Variants in DHX30 observed in about 807,000 individuals in gnomAD.
DHX30 encodes ATP-dependent RNA helicase DHX30.
Under a neutral mutation model 116.9 loss-of-function variants are expected in DHX30, and 4 were observed. That is an observed-to-expected ratio of 0.03 (90% CI 0.02 to 0.08). The LOEUF (loss-of-function observed/expected upper bound fraction) is 0.08. Among genes scored for constraint, DHX30 ranks in the 10% least tolerant of loss-of-function variants. The pLI, the probability that DHX30 is intolerant of heterozygous loss-of-function variation, is 1.00. For missense variants in DHX30, 871 were observed against 1,595.1 expected (o/e 0.55, Z 7.73); for synonymous variants, 697 against 651.7 (o/e 1.07, Z -1.06).
intron 4 of DHX30, among the ~76,000 whole-genome samples, chr3:47,820,279 A>G (rs564447420): frequency 5.9e-5 from 9 of 151,962 alleles, no homozygotes; most frequent in East Asian, 5.8e-4. Flanking sequence ...GCACCACTAC[A>G]CTATAGCCTG....
rs151032711 is a variant in DHX30, at chr3:47,813,314, T to C, written c.28+2603T>C. On this transcript the variant is annotated intron_variant, in intron 3 of 21. Coordinates refer to ENST00000445061, the MANE Select transcript of DHX30 (RefSeq NM_138615.3). ...GCCGAGATCGCGCCACTGTCTGGCCTGGGCGAAACAGCGAGACTCCATCTC... is the reference window on the plus strand; with the variant it reads ...GCCGAGATCGCGCCACTGTCTGGCCCGGGCGAAACAGCGAGACTCCATCTC... 3.9e-3 allele frequency among the ~76,000 whole-genome samples: 597 copies of C among 152,256 alleles called. 5 individuals carry two copies. The highest frequency in any genetic ancestry group is 0.014 in the African/African-American group (564 of 41,560).
rs374425976 is a variant in DHX30 at position 47,846,201 on chromosome 3, C to T, written c.1129C>T (p.Arg377Trp). 34 of 1,613,808 alleles carry T rather than the reference C, an allele frequency of 2.1e-5. No homozygotes were observed. The highest frequency in any genetic ancestry group is 2.7e-5 in the Non-Finnish European group (32 of 1,180,020). ...VESSWIAPEL[R>W]LQSDDILPLG... ...GAGTTCATGGATCGCCCCAGAACTC[C>T]GGCTGCAGAGTGATGACATCTTGCC... The change falls in exon 11 of 22, where the codon CGG becomes TGG. Residue 377 changes from arginine (R) to tryptophan (W), a missense_variant. Coordinates refer to ENST00000445061, the MANE Select transcript of DHX30 (RefSeq NM_138615.3).
intron 8 of DHX30, chr3:47,842,826 G>T: frequency 6.0e-6 from 2 of 333,704 alleles, no homozygotes; most frequent in African/African-American, 2.1e-5. Flanking sequence ...CGATGTTGCC[G>T]AGATGACAGT....
At chr3:47,837,198 G>T (rs1442945468) in intron 6 of DHX30, among the ~76,000 whole-genome samples, 2 of 152,206 alleles carry the variant, frequency 1.3e-5, no homozygotes, top group Non-Finnish European at 2.9e-5. Flanking sequence ...GTGAATATGC[G>T]TGGCTATGGG....
intron 6 of DHX30, among the ~76,000 whole-genome samples, chr3:47,839,954 T>C (rs1381787391): frequency 6.6e-6 from 1 of 152,032 alleles, no homozygotes; most frequent in Admixed American, 6.6e-5. Context: ...GGATTACAGG[T>C]GTGAGCCACT....
intron 2 of DHX30, among the ~76,000 whole-genome samples, chr3:47,806,693 C>CT (rs1432975546): frequency 1.3e-5 from 2 of 151,918 alleles, no homozygotes. Context: ...GATCCACCTG[C>CT]TTCGGCCTCC....
At chr3:47,845,045 T>C (rs749643676) in intron 9 of DHX30, among the ~76,000 whole-genome samples, 5 of 152,026 alleles carry the variant, frequency 3.3e-5, no homozygotes, top group Non-Finnish European at 7.4e-5. Context: ...AGGGTACATG[T>C]TGGGAATTCA....
At chr3:47,812,947 G>A (rs573519749) in intron 3 of DHX30, among the ~76,000 whole-genome samples, 2 of 151,918 alleles carry the variant, frequency 1.3e-5, no homozygotes, top group East Asian at 2.0e-4. Context: ...TTACAGGCGT[G>A]AGCCACCAGC....
intron 4 of DHX30, chr3:47,819,355 C>T: frequency 8.5e-7 from 1 of 1,169,638 alleles, no homozygotes; most frequent in African/African-American, 1.6e-5. Context: ...GCAGTGCCTT[C>T]TTGAGCACAC....
rs768282686 is a variant in DHX30 at position 47,850,100 on chromosome 3, C to T, written c.3565C>T (p.Arg1189Cys). 21 of 1,592,864 alleles carry T rather than the reference C, an allele frequency of 1.3e-5. No individual in the cohort carries two copies. Among genetic ancestry groups the T allele is most frequent in the Middle Eastern group, 3.6e-4 (2 of 5,630 alleles). ...LRGPCGSFDV[R>C]KTADD ...AGGACCCTGTGGCAGCTTTGATGTG[C>T]GCAAGACAGCTGACGACTGAGCCCT... The change falls in exon 22 of 22, where the codon CGC becomes TGC. Residue 1189 changes from arginine (R) to cysteine (C), a missense_variant. Physicochemically the swap from Arg to Cys is radical, Grantham distance 180. Coordinates refer to ENST00000445061, the MANE Select transcript of DHX30 (RefSeq NM_138615.3).
intron 4 of DHX30, among the ~76,000 whole-genome samples, chr3:47,820,215 G>T (rs979879816): frequency 3.3e-5 from 5 of 152,194 alleles, no homozygotes; most frequent in African/African-American, 1.2e-4. Context: ...TTGGGAGGCT[G>T]AGGCAGGAGA....
intron 6 of DHX30, among the ~76,000 whole-genome samples, chr3:47,835,551 C>T (rs1314239544): frequency 2.0e-5 from 3 of 149,056 alleles, no homozygotes; most frequent in South Asian, 2.2e-4. Flanking sequence ...GTGGTCCACC[C>T]GCCTCAGCCT....
intron 5 of DHX30, among the ~76,000 whole-genome samples, chr3:47,828,228 G>A (rs1177616789): frequency 2.0e-5 from 3 of 151,840 alleles, no homozygotes; most frequent in Non-Finnish European, 4.4e-5. Context: ...AGGAGGCGGA[G>A]TAGGGAGGAT....
intron 2 of DHX30, among the ~76,000 whole-genome samples, chr3:47,810,316 A>G (rs1318457393): frequency 6.6e-6 from 1 of 152,198 alleles, no homozygotes; most frequent in South Asian, 2.1e-4. Flanking sequence ...GGAAACCTGC[A>G]AGTATTATGA....
intron 2 of DHX30, 45 bp from the exon 3 acceptor site, chr3:47,810,612 G>T (rs2106941672): frequency 1.3e-6 from 2 of 1,514,056 alleles, no homozygotes; most frequent in South Asian, 2.3e-5. Flanking sequence ...TGGGTTGCTG[G>T]ACCAGGAATA....
In DHX30 at chr3:47,848,655, C is replaced by G; in HGVS notation, c.2607C>G (p.Thr869=). ...GVLDQREYLT[T]LGQRLAHIST... is the part of the protein sequence containing the mutation. ...TGGACCAGCGGGAGTACCTGACTACCCTGGGGCAGCGCCTGGCTCACATCT... is the reference window on the plus strand; with the variant it reads ...TGGACCAGCGGGAGTACCTGACTACGCTGGGGCAGCGCCTGGCTCACATCT... The change falls in exon 17 of 22, where the codon ACC becomes ACG. Residue 869 remains threonine (T), a synonymous_variant. Transcript: ENST00000445061. This position sits in a 1 kb window ranked among gnomAD's most constrained non-coding sequence, Gnocchi z 9.4. The G allele has an allele frequency of 6.2e-7, 1 of 1,614,120 alleles. No individual in the cohort carries two copies. The highest frequency in any genetic ancestry group is 8.5e-7 in the Non-Finnish European group (1 of 1,180,002).
At chr3:47,816,557 C>T in intron 3 of DHX30, 4 of 950,184 alleles carry the variant, frequency 4.2e-6, no homozygotes, top group Non-Finnish European at 5.0e-6. Flanking sequence ...GGGGTTTCAC[C>T]ATGTTGGCCA....
At chr3:47,823,096 A>C (rs893586937) in intron 4 of DHX30, among the ~76,000 whole-genome samples, 24 of 150,650 alleles carry the variant, frequency 1.6e-4, no homozygotes, top group African/African-American at 5.8e-4. Context: ...CCATCTCAAA[A>C]AAAAAAAAAA....
At chr3:47,844,497 G>A (rs896981210) in intron 9 of DHX30, among the ~76,000 whole-genome samples, 5 of 152,250 alleles carry the variant, frequency 3.3e-5, no homozygotes, top group Non-Finnish European at 7.3e-5. Flanking sequence ...GAAGTCTGGG[G>A]AGAGGGCAGA....
Sources: gnomAD v4.1 joint callset for allele counts (sites outside exome capture counted in the v4.1 genomes callset) on GRCh38, gnomAD v4.1.1 for gene constraint, Gnocchi (gnomAD v3.1) non-coding constraint, MANE v1.5 for transcripts, NCBI Gene and HGNC (gene_info 2026-07-23, HGNC 2026-07-21) for gene names.